DHRS7: variants seen among roughly 807,000 people sequenced by gnomAD.
The protein encoded by DHRS7 is dehydrogenase/reductase SDR family member 7.
In DHRS7, 34 loss-of-function variants were observed where a neutral mutation model predicts 38.9. That is an observed-to-expected ratio of 0.87 (90% confidence interval 0.66 to 1.16). The LOEUF (loss-of-function observed/expected upper bound fraction) is 1.16, where lower values mean the gene tolerates loss of function less well. Among genes scored for constraint, DHRS7 ranks in the 50% most tolerant of loss-of-function variants. The probability of loss-of-function intolerance (pLI) is 0.00; values close to 1 mark genes in which losing one functional copy is unlikely to be tolerated. For synonymous variants in DHRS7, 158 were observed against 153.1 expected (o/e 1.03, Z -0.24); for missense variants, 421 against 407.0 (o/e 1.03, Z -0.30).
In DHRS7 at chr14:60,144,939, G is replaced by A. The variant is rs1372434072; in HGVS notation, c.*27C>T. The A allele has an allele frequency of 5.1e-6, 8 of 1,581,930 alleles. No homozygotes were observed. The highest frequency in any genetic ancestry group is 1.7e-6 in the Non-Finnish European group (2 of 1,153,318). On this transcript the variant is annotated 3_prime_UTR_variant, in exon 7 of 7. Coordinates refer to ENST00000557185, the MANE Select transcript of DHRS7 (RefSeq NM_016029.4). ...TTCATGTTTTCCATTTCTCCCTCCAGTGGCTTGAAAAGTACAGGTGCTCTT... is the reference window on the plus strand; with the variant it reads ...TTCATGTTTTCCATTTCTCCCTCCAATGGCTTGAAAAGTACAGGTGCTCTT...
At chr14:60,157,092 G>T (rs953756620) in intron 1 of DHRS7, among the ~76,000 whole-genome samples, 10 of 152,018 alleles carry the variant, frequency 6.6e-5, no homozygotes, top group Non-Finnish European at 1.5e-4. Flanking sequence ...TCACATTTCC[G>T]ATTTTAGATC....
chr14:60,153,294 A>G lies in DHRS7; in HGVS notation c.394-116T>C, dbSNP rs1388954850. 2.5e-6 allele frequency: 3 copies of G among 1,205,084 alleles called. No homozygotes were observed. The highest frequency in any genetic ancestry group is 3.5e-6 in the Non-Finnish European group (3 of 867,976). The allele number at this position is 1,205,084 out of a possible 1,614,324, so 74.6% of individuals were successfully genotyped here. On this transcript the variant is annotated intron_variant, in intron 3 of 6. Coordinates refer to ENST00000557185, the MANE Select transcript of DHRS7 (RefSeq NM_016029.4). The surrounding 1 kb of genome is among the most constrained non-coding windows in gnomAD (Gnocchi z 4.4). ...CTTAAAGAATCAATGGAACAATGGTATATTTCCAGAAGTCAGCAATTAAAA... is the reference window on the plus strand; with the variant it reads ...CTTAAAGAATCAATGGAACAATGGTGTATTTCCAGAAGTCAGCAATTAAAA...
intron 1 of DHRS7, among the ~76,000 whole-genome samples, chr14:60,163,442 C>G (rs1896802900): frequency 6.6e-6 from 1 of 152,118 alleles, no homozygotes; most frequent in Non-Finnish European, 1.5e-5. Flanking sequence ...GTACATGCCA[C>G]CACGCCAGAT....
chr14:60,168,589 A>G (rs975862114), upstream of DHRS7: 7 of 1,379,072 alleles, frequency 5.1e-6, no homozygotes, highest in African/African-American at 1.5e-5. Context: ...GTAAAAAGTT[A>G]AAAAAATTAG....
At chr14:60,151,844 A>T (rs919446323) in intron 4 of DHRS7, among the ~76,000 whole-genome samples, 1 of 152,174 alleles carries the variant, frequency 6.6e-6, no homozygotes, top group African/African-American at 2.4e-5. Context: ...TGAGTCTTGG[A>T]GGGCAGGCCA....
intron 4 of DHRS7, among the ~76,000 whole-genome samples, chr14:60,151,645 A>G (rs1896548127): frequency 6.6e-6 from 1 of 152,178 alleles, no homozygotes; most frequent in African/African-American, 2.4e-5. Flanking sequence ...CAATATATCA[A>G]ACACTAAAAC....
chr14:60,151,957 TG>T (rs1485535835), intron 4 of DHRS7, among the ~76,000 whole-genome samples: 1 of 152,220 alleles, frequency 6.6e-6, no homozygotes, highest in Non-Finnish European at 1.5e-5. Context: ...GCCTGAGGCT[TG>T]CCCAACTGCT....
chr14:60,168,157 G>A (rs1896889881), upstream of DHRS7, among the ~76,000 whole-genome samples: 1 of 152,132 alleles, frequency 6.6e-6, no homozygotes, highest in Non-Finnish European at 1.5e-5. Context: ...AATCTCATGG[G>A]ATCCCTCAAT....
upstream of DHRS7, chr14:60,169,157 A>AC (rs1566539384): frequency 6.7e-6 from 1 of 150,230 alleles, no homozygotes; most frequent in East Asian, 2.2e-4. Context: ...AAAAAAAAAA[A>AC]AAAACCATTG....
Position 60,150,192 on chromosome 14 carries a change from C to CAA in DHRS7, c.634-6_634-5insTT. 1 of 1,223,546 alleles carries CAA rather than the reference C, an allele frequency of 8.2e-7. No homozygotes were observed. The highest frequency in any genetic ancestry group is 1.0e-6 in the Non-Finnish European group (1 of 985,198). The allele number at this position is 1,223,546 out of a possible 1,614,324, so 75.8% of individuals were successfully genotyped here. On this transcript the variant is annotated splice_polypyrimidine_tract_variant and splice_region_variant and intron_variant, in intron 4 of 6. Coordinates refer to ENST00000557185, the MANE Select transcript of DHRS7 (RefSeq NM_016029.4). Reference sequence around the variant, plus strand: ...TCGAAGGCCATTAAAAAAACCCTAACAGACAAAAAAAAAAAAAAAGGAAAA... The same window carrying CAA: ...TCGAAGGCCATTAAAAAAACCCTAACAAAGACAAAAAAAAAAAAAAAGGAAAA...
In DHRS7 at chr14:60,145,419, A is replaced by C. The variant is rs1896373466; in HGVS notation, c.973-406T>G. On this transcript the variant is annotated intron_variant, in intron 6 of 6. Coordinates refer to ENST00000557185, the MANE Select transcript of DHRS7 (RefSeq NM_016029.4). This position sits in a 1 kb window ranked among gnomAD's most constrained non-coding sequence, Gnocchi z 4.0. Reference sequence around the variant, plus strand: ...TGTGGCCAGGCAGGCACTGTGGCTCATGCCTGTAATCCCAGCACTTTGGGA... The same window carrying C: ...TGTGGCCAGGCAGGCACTGTGGCTCCTGCCTGTAATCCCAGCACTTTGGGA... The C allele has an allele frequency of 6.5e-6, 1 of 152,944 alleles. No homozygotes were observed. Among genetic ancestry groups the C allele is most frequent in the African/African-American group, 2.4e-5 (1 of 41,468 alleles). The allele number at this position is 152,944 out of a possible 1,614,324, so 9.5% of individuals were successfully genotyped here.
At chr14:60,165,484 C>G, upstream of DHRS7, 2 of 1,332,290 alleles carry the variant, frequency 1.5e-6, no homozygotes, top group Non-Finnish European at 9.6e-7. This position sits in a 1 kb window ranked among gnomAD's most constrained non-coding sequence, Gnocchi z 4.6. Context: ...GCTCAGCACT[C>G]GCGGCCCCAC....
rs1041764310 is a variant in DHRS7 at position 60,162,772 on chromosome 14, T to G, written c.133+2405A>C. 5.3e-5 allele frequency among the ~76,000 whole-genome samples: 8 copies of G among 152,204 alleles called. No individual in the cohort carries two copies. The highest frequency in any genetic ancestry group is 3.3e-4 in the Admixed American group (5 of 15,288). On this transcript the variant is annotated intron_variant, in intron 1 of 6. Coordinates refer to ENST00000557185, the MANE Select transcript of DHRS7 (RefSeq NM_016029.4). This position sits in a 1 kb window ranked among gnomAD's most constrained non-coding sequence, Gnocchi z 4.5. Reference sequence around the variant, plus strand: ...CCACCAGGAGTCTTTTTAGACTTTTTTTTCCCCTAAAACTCTCCTGTGAAA... The same window carrying G: ...CCACCAGGAGTCTTTTTAGACTTTTGTTTCCCCTAAAACTCTCCTGTGAAA...
At chr14:60,168,640 T>C, upstream of DHRS7, 2 of 1,504,930 alleles carry the variant, frequency 1.3e-6, no homozygotes, top group South Asian at 2.6e-5. Flanking sequence ...CTTAAAATTC[T>C]AAAACTGATC....
intron 1 of DHRS7, among the ~76,000 whole-genome samples, chr14:60,160,876 CTA>C (rs1896753005): frequency 6.6e-6 from 1 of 152,210 alleles, no homozygotes; most frequent in South Asian, 2.1e-4. Flanking sequence ...CAGGCGTGAG[CTA>C]CCGCATCTGG....
Position 60,161,055 on chromosome 14 carries a change from A to G in DHRS7, c.133+4122T>C, listed in dbSNP as rs944063522. ...AGTTTCAGATGTACACTTATTGATA[A>G]TCTTGCTCAGTTTTATCCTGCTTGT... On this transcript the variant is annotated intron_variant, in intron 1 of 6. Coordinates refer to ENST00000557185, the MANE Select transcript of DHRS7 (RefSeq NM_016029.4). The surrounding 1 kb of genome is among the most constrained non-coding windows in gnomAD (Gnocchi z 4.2). 6.6e-6 allele frequency among the ~76,000 whole-genome samples: 1 copy of G among 152,204 alleles called. No individual in the cohort carries two copies. The highest frequency in any genetic ancestry group is 1.5e-5 in the Non-Finnish European group (1 of 68,032).
upstream of DHRS7, among the ~76,000 whole-genome samples, chr14:60,167,654 C>T (rs931220538): frequency 2.6e-5 from 4 of 152,200 alleles, no homozygotes; most frequent in Non-Finnish European, 5.9e-5. Context: ...CCAAGATCGG[C>T]AGTCCCTAGG....
rs570483174 is a variant in DHRS7, at chr14:60,164,270, C to G, written c.133+907G>C. 5.9e-4 allele frequency among the ~76,000 whole-genome samples: 85 copies of G among 144,490 alleles called. No homozygotes were observed. The East Asian group carries it at 7.5e-3, about 13-fold the overall frequency. The allele number at this position is 144,490 out of a possible 152,430, so 94.8% of individuals were successfully genotyped here. On this transcript the variant is annotated intron_variant, in intron 1 of 6. Transcript: ENST00000557185. ...CAACGCCCAACCCATAACGCCCCCC[C>G]CAAACATAGTCTATCTTTCGAGCTA...
chr14:60,159,808 A>G (rs1171414416), intron 1 of DHRS7, among the ~76,000 whole-genome samples: 1 of 152,186 alleles, frequency 6.6e-6, no homozygotes, highest in Non-Finnish European at 1.5e-5. Flanking sequence ...TGTAAAAGCA[A>G]TTTTAATACT....
Sources: gnomAD v4.1 joint callset for allele counts (sites outside exome capture counted in the v4.1 genomes callset) on GRCh38, gnomAD v4.1.1 for gene constraint, Gnocchi (gnomAD v3.1) non-coding constraint, MANE v1.5 for transcripts, NCBI Gene and HGNC (gene_info 2026-07-23, HGNC 2026-07-21) for gene names.